NUP50: variants seen among roughly 807,000 people sequenced by gnomAD.
NUP50 encodes the protein nuclear pore complex protein Nup50.
A neutral mutation model predicts 36.8 loss-of-function variants in NUP50; 14 were observed. The observed-to-expected ratio is 0.38, with a 90% CI of 0.25 to 0.59. The LOEUF is 0.59. Ranked by LOEUF, NUP50 falls within the 20% of genes least tolerant of loss-of-function variation. NUP50 has a pLI of 0.63. For missense variants in NUP50, 455 were observed against 564.6 expected (o/e 0.81, Z 1.97); for synonymous variants, 195 against 210.8 (o/e 0.93, Z 0.65).
chr22:45,171,109 G>T, intron 2 of NUP50: 3 of 1,279,720 alleles, frequency 2.3e-6, no homozygotes, highest in Admixed American at 5.1e-5. Context: ...TGTCCAGCAA[G>T]GTCCTAGGTG....
rs1486389434 is a variant in NUP50, at chr22:45,184,484, C to T, written c.1236C>T (p.Pro412=). 7 of 1,613,910 alleles carry T rather than the reference C, an allele frequency of 4.3e-6. No homozygotes were observed. Among genetic ancestry groups the T allele is most frequent in the East Asian group, 2.2e-5 (1 of 44,890 alleles). The change falls in exon 8 of 8, where the codon CCC becomes CCT. Residue 412 remains proline, a synonymous_variant. Coordinates refer to ENST00000347635, the MANE Select transcript of NUP50 (RefSeq NM_007172.4). ...TATTGCTGAACGTTCTGATTCCACC[C>T]AATATGCCATGTACGCGAACAGGGA... is the stretch of plus-strand genomic sequence containing the variant. The part of the protein sequence containing the change: ...GNILLNVLIP[P]NMPCTRTGKN...
intron 6 of NUP50, among the ~76,000 whole-genome samples, chr22:45,182,689 A>G (rs940946106): frequency 4.3e-5 from 6 of 138,792 alleles, no homozygotes; most frequent in African/African-American, 8.2e-5. Context: ...CAGTGGCACA[A>G]TCTCGGCTCA....
Position 45,182,317 on chromosome 22 carries a change from T to C in NUP50, c.1085+950T>C, listed in dbSNP as rs577586711. 2.0e-4 allele frequency among the ~76,000 whole-genome samples: 31 copies of C among 152,256 alleles called. 1 individual carries two copies. In the South Asian group the frequency reaches 6.2e-3, roughly 31 times the overall value. Reference sequence around the variant, plus strand: ...TTAGCCTAATGTGGTGGCGCACGCCTGTAATCCCAGCTGTTTGGGAGGCTG... The same window carrying C: ...TTAGCCTAATGTGGTGGCGCACGCCCGTAATCCCAGCTGTTTGGGAGGCTG... On this transcript the variant is annotated intron_variant, in intron 6 of 7. Transcript: ENST00000347635.
At chr22:45,182,142 T>A (rs76844330) in intron 6 of NUP50, among the ~76,000 whole-genome samples, 12 of 152,028 alleles carry the variant, frequency 7.9e-5, no homozygotes, top group African/African-American at 2.7e-4. Context: ...TTTTTTTTTT[T>A]AATTAGAATC....
At chr22:45,182,623 GTTTTTTT>G (rs550478534) in intron 6 of NUP50, among the ~76,000 whole-genome samples, 1 of 95,942 alleles carries the variant, frequency 1.0e-5, no homozygotes, top group Non-Finnish European at 1.9e-5. Context: ...CTTGAGGTTT[GTTTTTTT>G]TTTTTTTTTT....
rs143190110 is a variant in NUP50, at chr22:45,178,665, A to T, written c.768A>T (p.Glu256Asp). 2 of 1,612,070 alleles carry T rather than the reference A, an allele frequency of 1.2e-6. No individual in the cohort carries two copies. Among genetic ancestry groups the T allele is most frequent in the South Asian group, 2.2e-5 (2 of 90,996 alleles). ...TPDKKMEVAS[E>D]KKTDPSSLGA... is the part of the protein sequence containing the mutation. Reference sequence around the variant, plus strand: ...ACAAGAAGATGGAGGTGGCATCTGAAAAGAAAACGGACCCATCATCACTAG... The same window carrying T: ...ACAAGAAGATGGAGGTGGCATCTGATAAGAAAACGGACCCATCATCACTAG... Residue 256 changes from glutamate (E) to aspartate (D), a missense_variant, in exon 5 of 8, where the codon GAA (glutamate) becomes GAT (aspartate). Glu to Asp is a conservative substitution (Grantham distance 45). Around this residue, in one of 3 missense-constraint regions of NUP50, gnomAD observed 287 missense variants for 345.5 expected, o/e 0.83. Transcript: ENST00000347635.
rs757305412 is a variant in NUP50 at position 45,178,732 on chromosome 22, A to T, written c.835A>T (p.Ser279Cys). 1.2e-6 allele frequency: 2 copies of T among 1,613,648 alleles called. No homozygotes were observed. The highest frequency in any genetic ancestry group is 3.3e-5 in the Admixed American group (2 of 60,018). The change falls in exon 5 of 8, where the codon AGC becomes TGC. Residue 279 changes from serine to cysteine, a missense_variant. Ser to Cys is a moderately radical substitution (Grantham distance 112). This residue lies in a region of NUP50 where 287 missense variants were observed against 345.5 expected (regional missense o/e 0.83). Coordinates refer to ENST00000347635, the MANE Select transcript of NUP50 (RefSeq NM_007172.4). ...ASFNFGKKVD[S>C]SVLGSLSSVP... ...ATTTAATTTCGGCAAGAAAGTTGATAGCTCTGTTTTGGGCTCATTAAGCTC... is the reference window on the plus strand; with the variant it reads ...ATTTAATTTCGGCAAGAAAGTTGATTGCTCTGTTTTGGGCTCATTAAGCTC...
chr22:45,181,682 TTCTC>T lies in NUP50; in HGVS notation c.1085+316_1085+319del, dbSNP rs1199270372. Among the ~76,000 whole-genome samples, 3 of 152,128 alleles carry T rather than the reference TTCTC, an allele frequency of 2.0e-5. No individual in the cohort carries two copies. The East Asian group carries it at 5.8e-4, about 29-fold the overall frequency. ...CATCCCGTCTTCTCTCCCTGTGTCT[TTCTC>T]CCTCCCCTTCCTCCTCCCCAACAAA... On this transcript the variant is annotated intron_variant, in intron 6 of 7. Coordinates refer to ENST00000347635, the MANE Select transcript of NUP50 (RefSeq NM_007172.4).
intron 1 of NUP50, chr22:45,164,640 G>T: frequency 6.5e-6 from 1 of 152,940 alleles, no homozygotes; most frequent in South Asian, 1.8e-4. Context: ...GCGACGGGTG[G>T]AGGGTGGGGT....
intron 2 of NUP50, among the ~76,000 whole-genome samples, chr22:45,169,218 T>C (rs536084090): frequency 1.6e-3 from 250 of 152,296 alleles, no homozygotes; most frequent in African/African-American, 5.9e-3. Context: ...AAAATTGTTT[T>C]AATTAGCTGA....
chr22:45,171,441 C>A (rs542045998), intron 2 of NUP50, among the ~76,000 whole-genome samples, 159 bp from the exon 3 acceptor site: 15 of 152,336 alleles, frequency 9.8e-5, no homozygotes, highest in African/African-American at 3.4e-4. Flanking sequence ...TTTGGCCTCC[C>A]AAAGCGCTAG....
At chr22:45,173,572 A>G (rs778514683) in intron 3 of NUP50, among the ~76,000 whole-genome samples, 22 of 152,184 alleles carry the variant, frequency 1.4e-4, no homozygotes, top group Non-Finnish European at 5.9e-5. Context: ...TACAACAGGA[A>G]TTATGGCAAG....
In NUP50 at chr22:45,185,916, C is replaced by T. The variant is rs2074463433; in HGVS notation, c.*1261C>T. On this transcript the variant is annotated 3_prime_UTR_variant, in exon 8 of 8. Transcript: ENST00000347635. ...AGTACCAGCTGATCTTGTGTACAGG[C>T]TCAGGGTCAGTGCCCAAGGGCTCCC... 2 of 152,242 alleles carry T rather than the reference C, an allele frequency of 1.3e-5. No homozygotes were observed. The highest frequency in any genetic ancestry group is 4.1e-4 in the South Asian group (2 of 4,832). The allele number at this position is 152,242 out of a possible 1,614,324, so 9.4% of individuals were successfully genotyped here.
intron 2 of NUP50, among the ~76,000 whole-genome samples, chr22:45,168,895 A>C (rs111815310): frequency 0.03 from 2,790 of 93,042 alleles, 81 homozygotes; most frequent in African/African-American, 0.081. Flanking sequence ...CTCTATAAAA[A>C]AAATTTTTTT....
At chr22:45,179,274 G>C in intron 5 of NUP50, 1 of 182,166 alleles carries the variant, frequency 5.5e-6, no homozygotes, top group Non-Finnish European at 1.1e-5. Context: ...TTTGTACTTA[G>C]GAGATCTCAC....
At chr22:45,183,599 TTAA>T (rs752789409) in intron 7 of NUP50, 79 bp downstream of exon 7, 8 of 924,752 alleles carry the variant, frequency 8.7e-6, no homozygotes, top group Admixed American at 1.7e-5. Context: ...CTCAAGGTTA[TTAA>T]TATGTTTTTA....
chr22:45,168,682 C>G (rs184955552), intron 2 of NUP50, among the ~76,000 whole-genome samples: 1 of 152,084 alleles, frequency 6.6e-6, no homozygotes. Flanking sequence ...TGTGGTACTC[C>G]GTTTCCCTAA....
At chr22:45,174,976 T>TC (rs1357641780) in intron 3 of NUP50, among the ~76,000 whole-genome samples, 1 of 152,118 alleles carries the variant, frequency 6.6e-6, no homozygotes, top group African/African-American at 2.4e-5. Flanking sequence ...TTTTTTTTTT[T>TC]CTGGTGAAAT....
chr22:45,169,964 C>T (rs1326553720), intron 2 of NUP50, among the ~76,000 whole-genome samples: 1 of 152,204 alleles, frequency 6.6e-6, no homozygotes, highest in African/African-American at 2.4e-5. Flanking sequence ...AGTCCTGGTT[C>T]CTCTTTGAAG....
Sources: allele counts gnomAD v4.1 joint callset (sites outside exome capture counted in the v4.1 genomes callset), GRCh38; gene constraint gnomAD v4.1.1; regional missense constraint gnomAD v4.1.1; transcripts MANE v1.5; gene names NCBI Gene and HGNC (gene_info 2026-07-23, HGNC 2026-07-21).